MYOC: variants seen among roughly 807,000 people sequenced by gnomAD.
MYOC encodes juvenile-onset open-angle glaucoma 1.
Under a neutral mutation model 28.2 loss-of-function variants are expected in MYOC, and 29 were observed. The ratio of observed to expected loss-of-function variants is 1.03; its 90% CI spans 0.77 to 1.40. The LOEUF (loss-of-function observed/expected upper bound fraction) is 1.40, where lower values mean the gene tolerates loss of function less well. Ranked by LOEUF, MYOC falls within the 40% of genes most tolerant of loss-of-function variation. MYOC has a pLI of 0.00. For missense variants in MYOC, 569 were observed against 620.6 expected (o/e 0.92, Z 0.88); for synonymous variants, 240 against 245.6 (o/e 0.98, Z 0.21).
At chr1:171,636,855 C>T (rs562955730) in intron 2 of MYOC, 146 bp from the exon 3 acceptor site, 1 of 854,062 alleles carries the variant, frequency 1.2e-6, no homozygotes, top group East Asian at 2.6e-5. Flanking sequence ...GGCTCTACCA[C>T]CCGCTGGCTG....
At chr1:171,645,305 G>T (rs1052043923) in intron 1 of MYOC, among the ~76,000 whole-genome samples, 1 of 152,086 alleles carries the variant, frequency 6.6e-6, no homozygotes, top group Non-Finnish European at 1.5e-5. Context: ...CCCTGCACAC[G>T]GACCTCAGTG....
intron 1 of MYOC, among the ~76,000 whole-genome samples, chr1:171,644,577 CTTTTTTT>C (rs10545148): frequency 4.3e-5 from 6 of 140,268 alleles, no homozygotes; most frequent in East Asian, 2.1e-4. Context: ...TAAAAAACAG[CTTTTTTT>C]TTTTTTTTTT....
At chr1:171,651,736 G>C (rs750819601) in intron 1 of MYOC, among the ~76,000 whole-genome samples, 8 of 152,098 alleles carry the variant, frequency 5.3e-5, no homozygotes, top group African/African-American at 1.9e-4. Flanking sequence ...CATCTCACCC[G>C]GTCCTTTTAT....
At chr1:171,645,593 C>T (rs546884498) in intron 1 of MYOC, among the ~76,000 whole-genome samples, 2 of 152,342 alleles carry the variant, frequency 1.3e-5, no homozygotes, top group South Asian at 2.1e-4. Flanking sequence ...TTAAAGTAAA[C>T]TTCCCCAGCT....
At chr1:171,650,529 A>C (rs1263158974) in intron 1 of MYOC, among the ~76,000 whole-genome samples, 1 of 152,170 alleles carries the variant, frequency 6.6e-6, no homozygotes, top group African/African-American at 2.4e-5. Context: ...TCACAGCAGG[A>C]ATTTTCTTTG....
At chr1:171,644,991 G>T (rs1239486073) in intron 1 of MYOC, among the ~76,000 whole-genome samples, 2 of 152,174 alleles carry the variant, frequency 1.3e-5, no homozygotes, top group African/African-American at 2.4e-5. Context: ...TGCTGAGGAG[G>T]TGTGTCAGTT....
chr1:171,652,119 T>G lies in MYOC; in HGVS notation c.493A>C (p.Asn165His), dbSNP rs766101256. Residue 165 changes from asparagine (N) to histidine (H), a missense_variant, in exon 1 of 3, where the codon AAT becomes CAT. By Grantham distance (68) the Asn-to-His change is moderately conservative. Coordinates refer to ENST00000037502, the MANE Select transcript of MYOC (RefSeq NM_000261.2). ...EKKRLRQENE[N>H]LARRLESSSQ... The stretch of plus-strand genomic sequence containing the variant: ...CTGCTTTCCAACCTCCTGGCCAGAT[T>G]CTCATTTTCTTGCCTTAGTCGCTTC... 1 of 1,614,114 alleles carries G rather than the reference T, an allele frequency of 6.2e-7. No homozygotes were observed. Among genetic ancestry groups the G allele is most frequent in the South Asian group, 1.1e-5 (1 of 91,072 alleles).
chr1:171,638,789 G>A, intron 1 of MYOC, 67 bp from the exon 2 acceptor site: 2 of 1,581,044 alleles, frequency 1.3e-6, no homozygotes, highest in Non-Finnish European at 1.7e-6. Flanking sequence ...ACTATGTTGA[G>A]GATGACATTT....
chr1:171,646,965 G>A (rs979719445), intron 1 of MYOC, among the ~76,000 whole-genome samples: 1 of 152,190 alleles, frequency 6.6e-6, no homozygotes, highest in Non-Finnish European at 1.5e-5. Flanking sequence ...TCGTTTGCCT[G>A]TAGACATAGG....
chr1:171,642,995 G>A (rs192454964), intron 1 of MYOC, among the ~76,000 whole-genome samples: 25 of 152,070 alleles, frequency 1.6e-4, no homozygotes, highest in Non-Finnish European at 2.8e-4. Context: ...AGGCTGCTGC[G>A]GAAACCAGTT....
chr1:171,642,339 G>A (rs1382448141), intron 1 of MYOC, among the ~76,000 whole-genome samples: 7 of 152,204 alleles, frequency 4.6e-5, no homozygotes, highest in Admixed American at 1.3e-4. Flanking sequence ...CTGGCCAGGC[G>A]CAGTGGCTCA....
At chr1:171,647,883 A>C (rs980896346) in intron 1 of MYOC, among the ~76,000 whole-genome samples, 3 of 152,004 alleles carry the variant, frequency 2.0e-5, no homozygotes, top group African/African-American at 7.3e-5. Flanking sequence ...TCTGCATAGA[A>C]AGTCTACAAG....
rs139122673 is a variant in MYOC, at chr1:171,636,562, G to T, written c.878C>A (p.Thr293Lys). Reference protein sequence around the residue: ...ETTWRIDTVGTDVRQVFEYDL... With the variant: ...ETTWRIDTVGKDVRQVFEYDL... Reference sequence around the variant, plus strand: ...ATACTCAAAAACCTGGCGGACATCCGTGCCAACTGTGTCGATTCTCCACGT... The same window carrying T: ...ATACTCAAAAACCTGGCGGACATCCTTGCCAACTGTGTCGATTCTCCACGT... Residue 293 changes from threonine (T) to lysine (K), a missense_variant, in exon 3 of 3, where the codon ACG (threonine) becomes AAG (lysine). By Grantham distance (78) the Thr-to-Lys change is moderately conservative (BLOSUM62 -1). Transcript: ENST00000037502. 4.9e-4 allele frequency: 784 copies of T among 1,609,894 alleles called. 2 individuals carry two copies. The highest frequency in any genetic ancestry group is 1.4e-3 in the Admixed American group (82 of 59,744).
chr1:171,642,994 C>T (rs999352895), intron 1 of MYOC, among the ~76,000 whole-genome samples: 2 of 151,988 alleles, frequency 1.3e-5, no homozygotes, highest in Non-Finnish European at 2.9e-5. Flanking sequence ...CAGGCTGCTG[C>T]GGAAACCAGT....
chr1:171,636,426 G>A lies in MYOC; in HGVS notation c.1014C>T (p.Gly338=), dbSNP rs750946621. The A allele has an allele frequency of 7.4e-6, 12 of 1,613,946 alleles. No individual in the cohort carries two copies. The highest frequency in any genetic ancestry group is 4.0e-5 in the African/African-American group (3 of 74,902). The change falls in exon 3 of 3, where the codon GGC becomes GGT. Residue 338 remains glycine, a synonymous_variant. Coordinates refer to ENST00000037502, the MANE Select transcript of MYOC (RefSeq NM_000261.2). ...ATCTTATGACAGTTCTGGACTCAGC[G>A]CCCTGGAAATAGAGGCTCCCCGAGT... is the stretch of plus-strand genomic sequence containing the variant. ...VVYSGSLYFQ[G]AESRTVIRYE...
At chr1:171,637,017 A>G (rs1171694111) in intron 2 of MYOC, among the ~76,000 whole-genome samples, 1 of 152,218 alleles carries the variant, frequency 6.6e-6, no homozygotes, top group Non-Finnish European at 1.5e-5. Context: ...TATATGGTAA[A>G]TGCTATATGA....
At chr1:171,636,780 G>T in intron 2 of MYOC, 71 bp from the exon 3 acceptor site, 1 of 1,543,320 alleles carries the variant, frequency 6.5e-7, no homozygotes, top group East Asian at 2.2e-5. Context: ...CAATGATCAT[G>T]CGGAAGCTTG....
In MYOC at chr1:171,636,290, C is replaced by T. The variant is rs1652918497; in HGVS notation, c.1150G>A (p.Asp384Asn). The T allele has an allele frequency of 6.2e-7, 1 of 1,613,978 alleles. No homozygotes were observed. Among genetic ancestry groups the T allele is most frequent in the Admixed American group, 1.7e-5 (1 of 59,992 alleles). ...GGYTDIDLAV[D>N]EAGLWVIYST... is the part of the protein sequence containing the mutation. The stretch of plus-strand genomic sequence containing the variant: ...TAAATGACCCAGAGGCCTGCTTCAT[C>T]CACAGCCAAGTCAATGTCCGTGTAG... The change falls in exon 3 of 3, where the codon GAT becomes AAT. Residue 384 changes from aspartate to asparagine, a missense_variant. Physicochemically the swap from Asp to Asn is conservative, Grantham distance 23 (BLOSUM62 1). Coordinates refer to ENST00000037502, the MANE Select transcript of MYOC (RefSeq NM_000261.2).
At chr1:171,649,308 C>A (rs531839848) in intron 1 of MYOC, among the ~76,000 whole-genome samples, 3 of 152,332 alleles carry the variant, frequency 2.0e-5, no homozygotes, top group Admixed American at 2.0e-4. Context: ...CTTCTCTACC[C>A]AAACCTTCAC....
Sources: allele counts gnomAD v4.1 joint callset (sites outside exome capture counted in the v4.1 genomes callset), GRCh38; gene constraint gnomAD v4.1.1; transcripts MANE v1.5; gene names NCBI Gene and HGNC (gene_info 2026-07-23, HGNC 2026-07-21).